Variants in LRRC4C observed in about 807,000 individuals in gnomAD.
LRRC4C encodes leucine-rich repeat-containing protein 4C.
In LRRC4C, 5 loss-of-function variants were observed where a neutral mutation model predicts 33.6. That is an observed-to-expected ratio of 0.15 (90% confidence interval 0.08 to 0.31). The LOEUF (loss-of-function observed/expected upper bound fraction) is 0.31. Ranked by LOEUF, LRRC4C falls within the 10% of genes least tolerant of loss-of-function variation. The probability of loss-of-function intolerance (pLI) is 1.00; values close to 1 mark genes in which losing one functional copy is unlikely to be tolerated. For synonymous variants in LRRC4C, 329 were observed against 302.0 expected (o/e 1.09, Z -0.93); for missense variants, 560 against 796.7 (o/e 0.70, Z 3.58).
intron 3 of LRRC4C, among the ~76,000 whole-genome samples, chr11:40,490,450 G>A (rs1954089886): frequency 6.6e-6 from 1 of 151,990 alleles, no homozygotes. Context: ...TATGCCTGTT[G>A]TATGCATCTC....
chr11:41,250,121 A>C (rs1048983649), intron 1 of LRRC4C, among the ~76,000 whole-genome samples: 3 of 152,180 alleles, frequency 2.0e-5, no homozygotes, highest in African/African-American at 7.2e-5. Flanking sequence ...GTGAGCTGAG[A>C]TCATGCCACT....
intron 1 of LRRC4C, among the ~76,000 whole-genome samples, chr11:41,230,457 T>C (rs1375131075): frequency 1.3e-5 from 2 of 152,058 alleles, no homozygotes; most frequent in African/African-American, 2.4e-5. Flanking sequence ...TCCTTTACCT[T>C]ACCATTACGG....
chr11:40,841,733 G>A (rs1225409102), intron 2 of LRRC4C, among the ~76,000 whole-genome samples: 1 of 152,182 alleles, frequency 6.6e-6, no homozygotes, highest in Non-Finnish European at 1.5e-5. Flanking sequence ...AGCCTGGGAG[G>A]CAATAAAAAT....
chr11:41,066,351 C>A (rs1247540851), intron 1 of LRRC4C, among the ~76,000 whole-genome samples: 1 of 151,874 alleles, frequency 6.6e-6, no homozygotes, highest in Non-Finnish European at 1.5e-5. Context: ...ATAAGGCATG[C>A]AGACCAGATT....
chr11:41,296,976 G>T (rs746197423), intron 1 of LRRC4C, among the ~76,000 whole-genome samples: 2 of 152,220 alleles, frequency 1.3e-5, no homozygotes, highest in East Asian at 3.9e-4. Context: ...TAATGGAAAA[G>T]TTTCCCATTT....
Position 40,604,057 on chromosome 11 carries a change from A to G in LRRC4C, c.-270+44085T>C, listed in dbSNP as rs1314993823. ...TATTTGTATGTTACAGCTTAATCAC[A>G]CATACAAACACATACAGATAGAAAG... is the stretch of plus-strand genomic sequence containing the variant. On this transcript the variant is annotated intron_variant, in intron 3 of 6. Coordinates refer to ENST00000528697, the MANE Select transcript of LRRC4C (RefSeq NM_001258419.2). 2.0e-5 allele frequency among the ~76,000 whole-genome samples: 3 copies of G among 152,282 alleles called. No individual in the cohort carries two copies. In the East Asian group the frequency reaches 5.8e-4, roughly 29 times the overall value.
At chr11:40,299,951 T>C (rs1426582584) in intron 4 of LRRC4C, among the ~76,000 whole-genome samples, 2 of 152,208 alleles carry the variant, frequency 1.3e-5, no homozygotes, top group African/African-American at 4.8e-5. Flanking sequence ...CTATACCAAA[T>C]ACTTGACACT....
intron 5 of LRRC4C, among the ~76,000 whole-genome samples, chr11:40,157,344 G>A (rs1388216675): frequency 1.3e-5 from 2 of 152,094 alleles, no homozygotes; most frequent in Non-Finnish European, 2.9e-5. Context: ...CTAGACATTG[G>A]CTTAGGCAAG....
intron 2 of LRRC4C, among the ~76,000 whole-genome samples, chr11:40,874,800 G>A (rs897357872): frequency 6.6e-6 from 1 of 152,162 alleles, no homozygotes. Flanking sequence ...ACATAGTATA[G>A]TACCACGTCT....
At chr11:40,305,059 A>G (rs975188180) in intron 4 of LRRC4C, among the ~76,000 whole-genome samples, 8 of 152,160 alleles carry the variant, frequency 5.3e-5, no homozygotes, top group African/African-American at 1.9e-4. Context: ...ACCTTATCCC[A>G]CATTTCCTGC....
chr11:41,100,747 A>G (rs1041232896), intron 1 of LRRC4C, among the ~76,000 whole-genome samples: 2 of 152,146 alleles, frequency 1.3e-5, no homozygotes, highest in African/African-American at 4.8e-5. Context: ...AATCCTAAGC[A>G]AAAAGAACAA....
At chr11:41,413,104 G>C (rs1247066404) in intron 1 of LRRC4C, among the ~76,000 whole-genome samples, 2 of 151,136 alleles carry the variant, frequency 1.3e-5, no homozygotes, top group Admixed American at 1.3e-4. Context: ...ATTGATTAGA[G>C]CAGGAAAGTT....
intron 2 of LRRC4C, among the ~76,000 whole-genome samples, chr11:40,902,711 A>G (rs1450447814): frequency 6.6e-6 from 1 of 152,182 alleles, no homozygotes; most frequent in Non-Finnish European, 1.5e-5. Flanking sequence ...AGAAAGTTTC[A>G]GAGGTCTGAA....
intron 1 of LRRC4C, among the ~76,000 whole-genome samples, chr11:41,421,876 G>A (rs1011249523): frequency 9.2e-5 from 14 of 152,054 alleles, no homozygotes; most frequent in African/African-American, 3.4e-4. Context: ...GCAGGAAGGA[G>A]TTCGAGGGTG....
At chr11:41,358,577 C>T (rs963619559) in intron 1 of LRRC4C, among the ~76,000 whole-genome samples, 2 of 151,996 alleles carry the variant, frequency 1.3e-5, no homozygotes, top group African/African-American at 4.8e-5. Flanking sequence ...AGCCAAAGGC[C>T]TTAACAGACA....
At chr11:41,444,162 G>A (rs1024378454) in intron 1 of LRRC4C, among the ~76,000 whole-genome samples, 3 of 152,156 alleles carry the variant, frequency 2.0e-5, no homozygotes, top group African/African-American at 7.2e-5. Context: ...GAGAAAAAAA[G>A]TAATAATAAT....
chr11:40,486,305 C>G (rs947918598), intron 3 of LRRC4C, among the ~76,000 whole-genome samples: 1 of 151,744 alleles, frequency 6.6e-6, no homozygotes, highest in African/African-American at 2.4e-5. Context: ...GCCTTTAGTC[C>G]AAACTTATAG....
intron 2 of LRRC4C, among the ~76,000 whole-genome samples, chr11:40,711,796 A>G (rs1946478981): frequency 6.6e-6 from 1 of 152,138 alleles, no homozygotes; most frequent in African/African-American, 2.4e-5. Flanking sequence ...TGATGAAAGA[A>G]AGAACTGGGT....
intron 3 of LRRC4C, among the ~76,000 whole-genome samples, chr11:40,425,385 G>C (rs1950673342): frequency 6.6e-6 from 1 of 152,182 alleles, no homozygotes; most frequent in African/African-American, 2.4e-5. Context: ...TGAATAGAAA[G>C]GGATGAGGTA....
Sources: gnomAD v4.1 joint callset for allele counts (sites outside exome capture counted in the v4.1 genomes callset) on GRCh38, gnomAD v4.1.1 for gene constraint, MANE v1.5 for transcripts, NCBI Gene and HGNC (gene_info 2026-07-23, HGNC 2026-07-21) for gene names.